Variants in SMAD1 observed in about 807,000 individuals in gnomAD.
SMAD1 encodes the protein SMAD family member 1, also known as MAD, mothers against decapentaplegic homolog 1.
A neutral mutation model predicts 41.6 loss-of-function variants in SMAD1; 6 were observed. The ratio of observed to expected loss-of-function variants is 0.14; its 90% CI spans 0.08 to 0.28. The LOEUF (loss-of-function observed/expected upper bound fraction) is 0.28. SMAD1 is among the 10% of genes least tolerant of loss of function. The pLI is 1.00. For synonymous variants in SMAD1, 206 were observed against 203.2 expected, an observed-to-expected ratio of 1.01 and a Z score of -0.12; for missense variants, 379 against 582.6, an observed-to-expected ratio of 0.65 and a Z score of 3.60.
Position 145,540,048 on chromosome 4 carries a change from T to A in SMAD1, c.645T>A (p.Pro215=). Reference sequence around the variant, plus strand: ...CCACCAGCTCAGACCCAGGAAGCCCTTTCCAGATGCCAGGTAGGTTGGAAT... The same window carrying A: ...CCACCAGCTCAGACCCAGGAAGCCCATTCCAGATGCCAGGTAGGTTGGAAT... ...HSPTSSDPGS[P]FQMPADTPPP... is the part of the protein sequence containing the mutation. The change falls in exon 3 of 7, where the codon CCT becomes CCA. Residue 215 remains proline (P), a synonymous_variant. Transcript: ENST00000302085. 1 of 1,614,074 alleles carries A rather than the reference T, an allele frequency of 6.2e-7. No homozygotes were observed. Among genetic ancestry groups the A allele is most frequent in the Non-Finnish European group, 8.5e-7 (1 of 1,179,972 alleles).
rs557314279 is a variant in SMAD1 at position 145,507,176 on chromosome 4, T to G, written c.-176-7262T>G. ...GAGATAATGAATTGATTTTTGTGGG[T>G]TTTTTTTTTTTGTAATTAGCAAATA... On this transcript the variant is annotated intron_variant, in intron 1 of 6. Transcript: ENST00000302085. Among the ~76,000 whole-genome samples, 774 of 124,434 alleles carry G rather than the reference T, an allele frequency of 6.2e-3. 3 individuals are homozygous for G. The highest frequency in any genetic ancestry group is 0.015 in the African/African-American group (498 of 33,748). The allele number at this position is 124,434 out of a possible 152,430, so 81.6% of individuals were successfully genotyped here.
intron 5 of SMAD1, among the ~76,000 whole-genome samples, chr4:145,551,938 A>G (rs1056054748): frequency 1.9e-4 from 29 of 152,362 alleles, no homozygotes; most frequent in African/African-American, 7.0e-4. Context: ...GGCATTAACT[A>G]TAAAAGCAGA....
At chr4:145,528,855 C>A (rs918651308) in intron 2 of SMAD1, among the ~76,000 whole-genome samples, 1 of 152,192 alleles carries the variant, frequency 6.6e-6, no homozygotes, top group African/African-American at 2.4e-5. Flanking sequence ...GCCAGGCTGC[C>A]TAGGTTTGAA....
At chr4:145,556,975 G>A (rs1456467892) in intron 6 of SMAD1, among the ~76,000 whole-genome samples, 1 of 152,118 alleles carries the variant, frequency 6.6e-6, no homozygotes, top group Non-Finnish European at 1.5e-5. Flanking sequence ...ACCGCGCCTG[G>A]CCCCAGATGT....
At chr4:145,557,136 C>T (rs544667997) in intron 6 of SMAD1, among the ~76,000 whole-genome samples, 2 of 152,300 alleles carry the variant, frequency 1.3e-5, no homozygotes, top group East Asian at 3.9e-4. Flanking sequence ...TTTGCAGTAG[C>T]AGTTACTTTT....
chr4:145,491,877 T>C (rs901917583), intron 1 of SMAD1, among the ~76,000 whole-genome samples: 4 of 152,198 alleles, frequency 2.6e-5, no homozygotes, highest in African/African-American at 7.2e-5. Flanking sequence ...TATTAGATTT[T>C]ATAGTGGCAT....
chr4:145,541,329 A>G (rs1442547057), intron 3 of SMAD1, among the ~76,000 whole-genome samples: 2 of 152,222 alleles, frequency 1.3e-5, no homozygotes, highest in East Asian at 3.8e-4. Flanking sequence ...TGCCTGTAGG[A>G]ATAGTAGAAT....
chr4:145,497,670 C>A (rs972354623), intron 1 of SMAD1: 1 of 152,092 alleles, frequency 6.6e-6, no homozygotes, highest in Non-Finnish European at 1.5e-5. Flanking sequence ...AAATAAATTA[C>A]TTTAGGGAAG....
chr4:145,522,399 C>T (rs943697618), intron 2 of SMAD1, among the ~76,000 whole-genome samples: 1 of 152,096 alleles, frequency 6.6e-6, no homozygotes, highest in African/African-American at 2.4e-5. Context: ...GTCGGGAGTT[C>T]GAGACCAGCC....
intron 1 of SMAD1, among the ~76,000 whole-genome samples, chr4:145,494,347 G>A (rs1159189993): frequency 6.6e-6 from 1 of 152,202 alleles, no homozygotes; most frequent in African/African-American, 2.4e-5. Flanking sequence ...GCTTGATAAA[G>A]TTGGGGGTAA....
chr4:145,549,554 A>G (rs2126542611), intron 5 of SMAD1, among the ~76,000 whole-genome samples: 1 of 152,332 alleles, frequency 6.6e-6, no homozygotes, highest in East Asian at 1.9e-4. Context: ...ATGCATCTGG[A>G]TAATGGTTAT....
At chr4:145,552,659 A>G (rs1443474283) in intron 5 of SMAD1, among the ~76,000 whole-genome samples, 3 of 152,078 alleles carry the variant, frequency 2.0e-5, no homozygotes, top group African/African-American at 7.2e-5. Context: ...CTTATATCTT[A>G]CAGCTTTCGG....
intron 2 of SMAD1, among the ~76,000 whole-genome samples, chr4:145,522,215 G>A (rs1730778936): frequency 6.6e-6 from 1 of 152,104 alleles, no homozygotes; most frequent in Admixed American, 6.5e-5. Context: ...CAGGAGAACG[G>A]GTGAACCCAG....
chr4:145,498,440 G>C (rs1234270497), intron 1 of SMAD1, among the ~76,000 whole-genome samples: 8 of 152,108 alleles, frequency 5.3e-5, no homozygotes, highest in African/African-American at 1.7e-4. Flanking sequence ...CCACCTGTTG[G>C]TCATAATGCT....
chr4:145,546,527 G>GTGTCA, intron 4 of SMAD1, 176 bp from the exon 5 acceptor site: 1 of 597,412 alleles, frequency 1.7e-6, no homozygotes, highest in Non-Finnish European at 3.0e-6. Context: ...AATAAGGAGA[G>GTGTCA]TGTCATATTA....
intron 6 of SMAD1, among the ~76,000 whole-genome samples, chr4:145,556,805 C>T (rs1469760748): frequency 6.6e-6 from 1 of 152,148 alleles, no homozygotes; most frequent in Non-Finnish European, 1.5e-5. Context: ...ATTCTCATGC[C>T]TGAGCCTCCC....
At chr4:145,484,616 A>T (rs944779789) in intron 1 of SMAD1, 1 of 152,260 alleles carries the variant, frequency 6.6e-6, no homozygotes, top group Non-Finnish European at 1.5e-5. Context: ...TTACAGAACT[A>T]TGAATTTCTG....
At chr4:145,521,203 T>C (rs1730723604) in intron 2 of SMAD1, among the ~76,000 whole-genome samples, 1 of 152,192 alleles carries the variant, frequency 6.6e-6, no homozygotes, top group Non-Finnish European at 1.5e-5. Context: ...GGTTTATTCT[T>C]TCTTACCAGA....
intron 1 of SMAD1, among the ~76,000 whole-genome samples, chr4:145,489,393 G>A (rs6822700): frequency 0.11 from 17,355 of 152,162 alleles, 3,038 homozygotes; most frequent in African/African-American, 0.38. Flanking sequence ...CAGGAGATCA[G>A]TAAGAAAGCT....
Sources: allele counts gnomAD v4.1 joint callset (sites outside exome capture counted in the v4.1 genomes callset), GRCh38; gene constraint gnomAD v4.1.1; transcripts MANE v1.5; gene names NCBI Gene and HGNC (gene_info 2026-07-23, HGNC 2026-07-21).